The following ERICH3 variants were observed in gnomAD, a reference collection of about 807,000 sequenced individuals.
ERICH3 encodes glutamate-rich protein 3.
ERICH3 carries 126 observed loss-of-function variants against 131.1 expected under a neutral mutation model. The observed-to-expected ratio is 0.96, with a 90% CI of 0.83 to 1.11. ERICH3 has a LOEUF of 1.11. Among genes scored for constraint, ERICH3 ranks in the 50% most tolerant of loss-of-function variants. ERICH3 has a pLI of 0.00. For synonymous variants in ERICH3, 695 were observed against 644.6 expected, an observed-to-expected ratio of 1.08 and a Z score of -1.18; for missense variants, 2,050 against 1,810.7, an observed-to-expected ratio of 1.13 and a Z score of -2.40.
intron 11 of ERICH3, among the ~76,000 whole-genome samples, chr1:74,594,189 A>G (rs1647737581): frequency 6.6e-6 from 1 of 152,036 alleles, no homozygotes; most frequent in Admixed American, 6.6e-5. Flanking sequence ...ATTTATCATG[A>G]TGCTATTTTA....
At chr1:74,651,779 G>A (rs1156235030) in intron 1 of ERICH3, among the ~76,000 whole-genome samples, 2 of 152,018 alleles carry the variant, frequency 1.3e-5, no homozygotes, top group African/African-American at 4.8e-5. Context: ...CAAAAAGTTG[G>A]GATCACATAA....
At chr1:74,652,952 C>G (rs1646550807) in intron 1 of ERICH3, among the ~76,000 whole-genome samples, 1 of 152,128 alleles carries the variant, frequency 6.6e-6, no homozygotes. Context: ...AACCTTGTCT[C>G]CATGCTGGTT....
At chr1:74,649,353 G>T (rs755482623) in intron 1 of ERICH3, 38 bp from the exon 2 acceptor site, 2 of 1,522,578 alleles carry the variant, frequency 1.3e-6, no homozygotes, top group Non-Finnish European at 1.8e-6. Context: ...CTTTTACAAG[G>T]GGTTGTTTGA....
At chr1:74,670,326 T>C (rs746082741) in intron 1 of ERICH3, among the ~76,000 whole-genome samples, 1 of 152,280 alleles carries the variant, frequency 6.6e-6, no homozygotes. Flanking sequence ...TTGTTGACCA[T>C]GTGAGGCAAC....
intron 5 of ERICH3, among the ~76,000 whole-genome samples, chr1:74,639,536 T>C (rs964529363): frequency 1.3e-5 from 2 of 152,198 alleles, no homozygotes; most frequent in African/African-American, 4.8e-5. Flanking sequence ...AATATGGCAT[T>C]GTAGCTTAAC....
At chr1:74,643,179 A>C (rs623171) in intron 3 of ERICH3, 81 bp from the exon 4 acceptor site, 642,709 of 970,126 alleles carry the variant, frequency 0.66, 216,992 homozygotes, top group African/African-American at 0.85. Flanking sequence ...ATTCCAACAG[A>C]TAACTATATT....
At chr1:74,574,072 C>T (rs1321403187) in intron 13 of ERICH3, among the ~76,000 whole-genome samples, 1 of 151,208 alleles carries the variant, frequency 6.6e-6, no homozygotes, top group African/African-American at 2.4e-5. Context: ...CCCACTTCAG[C>T]CTTGATTTCC....
intron 1 of ERICH3, among the ~76,000 whole-genome samples, chr1:74,662,316 A>T (rs1220584535): frequency 2.0e-5 from 3 of 152,158 alleles, no homozygotes; most frequent in African/African-American, 4.8e-5. Flanking sequence ...TTGAAGTTCC[A>T]TGTCTCCAGC....
At chr1:74,620,643 G>T in intron 8 of ERICH3, 91 bp downstream of exon 8, 1 of 1,153,718 alleles carries the variant, frequency 8.7e-7, no homozygotes, top group Non-Finnish European at 1.2e-6. Context: ...ATTTCATAAA[G>T]TGATTGAAGT....
chr1:74,598,192 G>A lies in ERICH3; in HGVS notation c.1726+1503C>T, dbSNP rs182818105. Among the ~76,000 whole-genome samples the A allele has an allele frequency of 8.6e-5, 13 of 151,694 alleles. No individual in the cohort carries two copies. In the East Asian group the frequency reaches 2.3e-3, roughly 27 times the overall value. On this transcript the variant is annotated intron_variant, in intron 11 of 14. Transcript: ENST00000326665. ...TTTCTTATATTTCTGAAATGCTAAG[G>A]TATGTGTGAAAAATCATTGATTCAA...
intron 7 of ERICH3, among the ~76,000 whole-genome samples, chr1:74,627,671 G>A (rs1649462991): frequency 6.6e-6 from 1 of 151,972 alleles, no homozygotes; most frequent in African/African-American, 2.4e-5. Context: ...ACATACATAT[G>A]TGTATATATA....
chr1:74,634,969 C>T, intron 6 of ERICH3: 1 of 343,842 alleles, frequency 2.9e-6, no homozygotes, highest in Non-Finnish European at 5.2e-6. Context: ...TGTCTGCCTA[C>T]TAGGGGATAA....
chr1:74,641,531 C>T (rs1020803501), intron 4 of ERICH3, 72 bp from the exon 5 acceptor site: 34 of 1,464,636 alleles, frequency 2.3e-5, no homozygotes, highest in South Asian at 1.3e-4. Context: ...ATGACATGTG[C>T]GAAATACTAT....
intron 11 of ERICH3, among the ~76,000 whole-genome samples, chr1:74,595,230 A>T (rs2100570479): frequency 6.6e-6 from 1 of 152,276 alleles, no homozygotes; most frequent in Non-Finnish European, 1.5e-5. Context: ...AGTTCAATCA[A>T]TATCTTCATG....
At chr1:74,621,675 A>G (rs1355568267) in intron 7 of ERICH3, 3 of 152,244 alleles carry the variant, frequency 2.0e-5, no homozygotes, top group African/African-American at 7.2e-5. Context: ...AATATGCAGT[A>G]AATGTGTATG....
intron 1 of ERICH3, among the ~76,000 whole-genome samples, chr1:74,672,296 G>T (rs1646749358): frequency 6.6e-6 from 1 of 152,078 alleles, no homozygotes; most frequent in Non-Finnish European, 1.5e-5. Flanking sequence ...ACTAAAAATT[G>T]CACAGGAGTT....
At chr1:74,663,639 A>AG (rs1646662801) in intron 1 of ERICH3, among the ~76,000 whole-genome samples, 1 of 151,716 alleles carries the variant, frequency 6.6e-6, no homozygotes, top group African/African-American at 2.4e-5. Context: ...AAAAAAAAAA[A>AG]AAGAAGTCTT....
At chr1:74,671,074 C>T (rs1376645186) in intron 1 of ERICH3, among the ~76,000 whole-genome samples, 6 of 152,318 alleles carry the variant, frequency 3.9e-5, no homozygotes, top group Admixed American at 6.5e-5. Flanking sequence ...TGCTCTCAAA[C>T]CCTGTTTTCT....
intron 1 of ERICH3, among the ~76,000 whole-genome samples, chr1:74,654,534 G>C (rs1646566601): frequency 6.6e-6 from 1 of 152,028 alleles, no homozygotes; most frequent in African/African-American, 2.4e-5. Flanking sequence ...TTAGGTTCTT[G>C]AAGAAGACCC....
Sources: allele counts gnomAD v4.1 joint callset (sites outside exome capture counted in the v4.1 genomes callset), GRCh38; gene constraint gnomAD v4.1.1; transcripts MANE v1.5; gene names NCBI Gene and HGNC (gene_info 2026-07-23, HGNC 2026-07-21).